Variants in SOX6 observed in about 807,000 individuals in gnomAD.
The protein encoded by SOX6 is SRY-box transcription factor 6.
SOX6 carries 11 observed loss-of-function variants against 97.8 expected under a neutral mutation model. The ratio of observed to expected loss-of-function variants is 0.11; its 90% CI spans 0.07 to 0.19. The LOEUF (loss-of-function observed/expected upper bound fraction) is 0.19. Ranked by LOEUF, SOX6 falls within the 10% of genes least tolerant of loss-of-function variation. SOX6 has a pLI of 1.00. For missense variants in SOX6, 810 were observed against 1,039.5 expected (o/e 0.78, Z 3.04); for synonymous variants, 360 against 371.4 (o/e 0.97, Z 0.35).
chr11:16,174,034 CT>C (rs76988026), intron 6 of SOX6, among the ~76,000 whole-genome samples: 2,024 of 131,982 alleles, frequency 0.015, 23 homozygotes, highest in African/African-American at 0.048. Flanking sequence ...TCCTTTGTTT[CT>C]TTTTTTTTTT....
chr11:16,240,231 T>C (rs1853144036), intron 3 of SOX6, among the ~76,000 whole-genome samples: 1 of 150,644 alleles, frequency 6.6e-6, no homozygotes, highest in East Asian at 2.0e-4. Flanking sequence ...ATATATTCCT[T>C]CCAGGAAAAA....
intron 1 of SOX6, among the ~76,000 whole-genome samples, chr11:16,401,898 G>A (rs982540163): frequency 2.6e-5 from 4 of 151,110 alleles, no homozygotes; most frequent in Non-Finnish European, 4.4e-5. Flanking sequence ...TAAATATGAA[G>A]GTTTCTCAAA....
intron 3 of SOX6, among the ~76,000 whole-genome samples, chr11:16,701,323 G>C (rs1848091543): frequency 6.6e-6 from 1 of 152,130 alleles, no homozygotes; most frequent in African/African-American, 2.4e-5. Context: ...CGTAAAATGG[G>C]AACATTTATT....
At chr11:16,691,167 G>A (rs373893304) in intron 3 of SOX6, among the ~76,000 whole-genome samples, 33 of 152,152 alleles carry the variant, frequency 2.2e-4, no homozygotes, top group Admixed American at 1.8e-3. Context: ...CCATCAGAAC[G>A]GTATTGTCTG....
chr11:16,083,693 G>C (rs1848521410), intron 9 of SOX6, among the ~76,000 whole-genome samples: 1 of 152,158 alleles, frequency 6.6e-6, no homozygotes, highest in Non-Finnish European at 1.5e-5. Context: ...CTTTGGTCAA[G>C]TTAATCTATC....
At chr11:16,228,650 A>G (rs1852756109) in intron 4 of SOX6, among the ~76,000 whole-genome samples, 1 of 152,162 alleles carries the variant, frequency 6.6e-6, no homozygotes, top group African/African-American at 2.4e-5. Context: ...CTAGGAGAGT[A>G]TATTTTAGGT....
At chr11:16,156,760 C>CA (rs1564988357) in intron 6 of SOX6, among the ~76,000 whole-genome samples, 1 of 151,748 alleles carries the variant, frequency 6.6e-6, no homozygotes, top group East Asian at 1.9e-4. Context: ...CCCTGGAATA[C>CA]TTTTTTTTAC....
intron 4 of SOX6, among the ~76,000 whole-genome samples, chr11:16,513,692 G>A (rs528968943): frequency 2.4e-4 from 37 of 152,102 alleles, no homozygotes; most frequent in African/African-American, 8.4e-4. Flanking sequence ...AATCATCTCC[G>A]CACAGAGTAA....
At chr11:16,562,306 T>G (rs567824678) in intron 4 of SOX6, among the ~76,000 whole-genome samples, 1 of 152,090 alleles carries the variant, frequency 6.6e-6, no homozygotes, top group East Asian at 1.9e-4. Context: ...AACCAAGGAA[T>G]GACACTGGTG....
At chr11:16,115,694 C>A (rs551145803) in intron 6 of SOX6, among the ~76,000 whole-genome samples, 1 of 152,160 alleles carries the variant, frequency 6.6e-6, no homozygotes. Flanking sequence ...GAGTCCAGAA[C>A]AGCTAATCAC....
At chr11:16,679,400 G>T (rs1564867107) in intron 3 of SOX6, among the ~76,000 whole-genome samples, 1 of 152,098 alleles carries the variant, frequency 6.6e-6, no homozygotes, top group Non-Finnish European at 1.5e-5. Context: ...GAAAACTAAC[G>T]AACAGAAAGG....
At chr11:16,189,046 G>A (rs1851560242) in intron 4 of SOX6, among the ~76,000 whole-genome samples, 2 of 152,108 alleles carry the variant, frequency 1.3e-5, no homozygotes, top group African/African-American at 4.8e-5. Flanking sequence ...CTGGGTGTAG[G>A]AGTGAGACTC....
chr11:16,526,204 A>G (rs1246947077), intron 4 of SOX6, among the ~76,000 whole-genome samples: 7 of 152,312 alleles, frequency 4.6e-5, no homozygotes, highest in East Asian at 1.9e-4. Context: ...TTGCGGCACT[A>G]TTCACAATAG....
rs1261953153 is a variant in SOX6, at chr11:16,318,580, T to C, written c.311A>G (p.Glu104Gly). ...NTSTSPHKPD[E>G]GSRDREIMTS... ...CATTATCTCACGGTCCCGACTCCCTTCGTCAGGCTTATGTGGTGAGGTAGA... is the reference window on the plus strand; with the variant it reads ...CATTATCTCACGGTCCCGACTCCCTCCGTCAGGCTTATGTGGTGAGGTAGA... The change falls in exon 3 of 16, where the codon GAA becomes GGA. Residue 104 changes from glutamate to glycine, a missense_variant. Around this residue, in one of 9 missense-constraint regions of SOX6, gnomAD observed 46 missense variants for 84.1 expected, o/e 0.55. Transcript: ENST00000683767. 1 of 1,613,696 alleles carries C rather than the reference T, an allele frequency of 6.2e-7. No individual in the cohort carries two copies. Among genetic ancestry groups the C allele is most frequent in the Admixed American group, 1.7e-5 (1 of 59,950 alleles).
intron 13 of SOX6, among the ~76,000 whole-genome samples, chr11:15,991,163 A>G (rs565859105): frequency 6.6e-6 from 1 of 152,352 alleles, no homozygotes; most frequent in African/African-American, 2.4e-5. Flanking sequence ...GATCCTTTAC[A>G]TGAAAAGTCT....
chr11:16,207,369 G>A (rs981157055), intron 4 of SOX6, among the ~76,000 whole-genome samples: 2 of 152,222 alleles, frequency 1.3e-5, no homozygotes, highest in South Asian at 2.1e-4. Context: ...TTGGGAAGCC[G>A]AGGTGGGCGG....
At chr11:16,273,231 C>T (rs138442241) in intron 3 of SOX6, among the ~76,000 whole-genome samples, 5 of 151,838 alleles carry the variant, frequency 3.3e-5, no homozygotes, top group East Asian at 1.9e-4. Flanking sequence ...AGATGATGTG[C>T]GTGAGTCAAC....
chr11:16,642,050 G>A (rs1436950283), intron 3 of SOX6, among the ~76,000 whole-genome samples: 1 of 152,200 alleles, frequency 6.6e-6, no homozygotes, highest in African/African-American at 2.4e-5. Flanking sequence ...GGTACTGGTT[G>A]TTCCTTTCCA....
In SOX6 at chr11:16,128,023, G is replaced by A. The variant is rs1849649067; in HGVS notation, c.778-16100C>T. On this transcript the variant is annotated intron_variant, in intron 6 of 15. Coordinates refer to ENST00000683767, the MANE Select transcript of SOX6 (RefSeq NM_001367873.1). The stretch of plus-strand genomic sequence containing the variant: ...CAAATCATGTATTATGTCCCAGCTA[G>A]TTAAAGATGTGGTGCTTTAATGTCC... 2.6e-5 allele frequency among the ~76,000 whole-genome samples: 4 copies of A among 152,172 alleles called. No homozygotes were observed. The South Asian group carries it at 8.3e-4, about 31-fold the overall frequency.
Sources: gnomAD v4.1 joint callset for allele counts (sites outside exome capture counted in the v4.1 genomes callset) on GRCh38, gnomAD v4.1.1 for gene constraint, gnomAD v4.1.1 regional missense constraint, MANE v1.5 for transcripts, NCBI Gene and HGNC (gene_info 2026-07-23, HGNC 2026-07-21) for gene names.